ANKRD30B: variants seen among roughly 807,000 people sequenced by gnomAD.
ANKRD30B encodes ankyrin repeat domain-containing protein 30B.
ANKRD30B carries 144 observed loss-of-function variants against 202.2 expected under a neutral mutation model. The observed-to-expected ratio is 0.71, with a 90% confidence interval of 0.62 to 0.82. ANKRD30B has a LOEUF of 0.82. Ranked by LOEUF, ANKRD30B falls within the 40% of genes least tolerant of loss-of-function variation. ANKRD30B has a pLI of 0.00. For synonymous variants in ANKRD30B, 508 were observed against 561.3 expected (o/e 0.91, Z 1.34); for missense variants, 1,487 against 1,669.1 (o/e 0.89, Z 1.90).
chr18:14,809,043 A>G (rs1969742713), intron 26 of ANKRD30B, among the ~76,000 whole-genome samples: 2 of 148,438 alleles, frequency 1.3e-5, no homozygotes, highest in South Asian at 4.4e-4. Context: ...GACACAGACA[A>G]GATAGTGAAA....
the ANKRD30B span, among the ~76,000 whole-genome samples, chr18:14,880,055 G>A: frequency 6.6e-6 from 1 of 152,026 alleles, no homozygotes; most frequent in East Asian, 1.9e-4. Context: ...GTAGATTTTT[G>A]TATAAGGTGA....
In ANKRD30B at chr18:14,799,149, T is replaced by C; in HGVS notation, c.2058+20T>C. 1 of 1,588,518 alleles carries C rather than the reference T, an allele frequency of 6.3e-7. No homozygotes were observed. The highest frequency in any genetic ancestry group is 2.2e-5 in the East Asian group (1 of 44,556). ...CTGAAGGTAATAACTTTTATATTTT[T>C]ATCTTGAATATTACCTACATATTTT... On this transcript the variant is annotated intron_variant, in intron 21 of 43. Coordinates refer to ENST00000690538, the MANE Select transcript of ANKRD30B (RefSeq NM_001367607.2).
chr18:14,930,030 G>A, the ANKRD30B span, among the ~76,000 whole-genome samples: 2 of 152,312 alleles, frequency 1.3e-5, no homozygotes, highest in East Asian at 1.9e-4. Flanking sequence ...TAGATGGGAA[G>A]GGGTCATGTG....
the ANKRD30B span, among the ~76,000 whole-genome samples, chr18:14,914,860 G>T: frequency 6.6e-6 from 1 of 152,168 alleles, no homozygotes; most frequent in Admixed American, 6.5e-5. Context: ...GGACATAGGG[G>T]TCTGAAGCTC....
chr18:14,906,804 T>C, the ANKRD30B span, among the ~76,000 whole-genome samples: 2 of 151,520 alleles, frequency 1.3e-5, no homozygotes, highest in African/African-American at 2.4e-5. Flanking sequence ...CTCAAGGTGG[T>C]TGGGGTGTGG....
chr18:14,831,285 T>G (rs1296019487), intron 33 of ANKRD30B, 98 bp from the exon 34 acceptor site: 3 of 776,188 alleles, frequency 3.9e-6, no homozygotes, highest in Non-Finnish European at 4.2e-6. Flanking sequence ...TTTTGTTTTT[T>G]GTTCTCATTT....
At chr18:14,770,344 A>C (rs1287632091) in intron 8 of ANKRD30B, among the ~76,000 whole-genome samples, 2 of 152,190 alleles carry the variant, frequency 1.3e-5, no homozygotes, top group Admixed American at 1.3e-4. Flanking sequence ...ATGGTTGTTC[A>C]GATGGAGAGT....
In ANKRD30B at chr18:14,837,684, G is replaced by A; in HGVS notation, c.2988+8G>A. Reference sequence around the variant, plus strand: ...TCAACTTCAGATTCTGAGGTACTGTGTATTGTTGTTGTTGTTATTTTAAAA... The same window carrying A: ...TCAACTTCAGATTCTGAGGTACTGTATATTGTTGTTGTTGTTATTTTAAAA... On this transcript the variant is annotated splice_region_variant and intron_variant, in intron 36 of 43. Transcript: ENST00000690538. The A allele has an allele frequency of 6.5e-7, 1 of 1,531,830 alleles. No individual in the cohort carries two copies. Among genetic ancestry groups the A allele is most frequent in the Non-Finnish European group, 8.7e-7 (1 of 1,143,636 alleles). The allele number at this position is 1,531,830 out of a possible 1,614,324, so 94.9% of individuals were successfully genotyped here. A position where few individuals can be genotyped will look rare whatever the true frequency, so the allele number is the denominator to read the frequency against.
chr18:14,796,241 C>T lies in ANKRD30B; in HGVS notation c.1846C>T (p.Leu616Phe). The T allele has an allele frequency of 1.2e-6, 2 of 1,603,270 alleles. No individual in the cohort carries two copies. Among genetic ancestry groups the T allele is most frequent in the Non-Finnish European group, 1.7e-6 (2 of 1,170,676 alleles). ...KLEESPVKDG[L>F]LKPTCGRKVS... ...TTTAGAGTCTCCTGTTAAAGATGGTCTTCTGAAGGTAATAACTTTTATATT... is the reference window on the plus strand; with the variant it reads ...TTTAGAGTCTCCTGTTAAAGATGGTTTTCTGAAGGTAATAACTTTTATATT... The change falls in exon 17 of 44, where the codon CTT (leucine) becomes TTT (phenylalanine). Residue 616 changes from leucine (L) to phenylalanine (F), a missense_variant. Transcript: ENST00000690538.
rs1328966986 is a variant in ANKRD30B, at chr18:14,851,949, T to G, written c.4005T>G (p.Asn1335Lys). 1.2e-6 allele frequency: 2 copies of G among 1,603,808 alleles called. No homozygotes were observed. Among genetic ancestry groups the G allele is most frequent in the East Asian group, 4.5e-5 (2 of 44,420 alleles). ...ATGCTCCTTTGCAAGGAATAATGAA[T>G]GTTGATGTGAGTAATACAATATATA... ...AGDAPLQGIM[N>K]VDVSNTIYNN... Residue 1335 changes from asparagine to lysine, a missense_variant, in exon 42 of 44, where the codon AAT becomes AAG. This residue lies in a region of ANKRD30B where 182 missense variants were observed against 216.0 expected (regional missense o/e 0.84). Transcript: ENST00000690538.
chr18:14,775,504 G>C (rs867036405), intron 9 of ANKRD30B, among the ~76,000 whole-genome samples: 9 of 152,288 alleles, frequency 5.9e-5, no homozygotes, highest in Middle Eastern at 3.4e-3. Flanking sequence ...ATCAGTATTG[G>C]TATATTTTGA....
rs756246300 is a variant in ANKRD30B at position 14,803,749 on chromosome 18, C to G, written c.2209C>G (p.Leu737Val). Residue 737 changes from leucine to valine, a missense_variant, in exon 24 of 44, where the codon CTC (leucine) becomes GTC (valine). By Grantham distance (32) the Leu-to-Val change is conservative (BLOSUM62 1). Coordinates refer to ENST00000690538, the MANE Select transcript of ANKRD30B (RefSeq NM_001367607.2). ...CTTTTAACAGAGTTTCCTTGAGACTCTCTTACAGAATGATGTGTGTTTACC... is the reference window on the plus strand; with the variant it reads ...CTTTTAACAGAGTTTCCTTGAGACTGTCTTACAGAATGATGTGTGTTTACC... The part of the protein sequence containing the change: ...SWDFESFLET[L>V]LQNDVCLPKA... The G allele has an allele frequency of 1.0e-5, 16 of 1,604,046 alleles. No individual in the cohort carries two copies. The highest frequency in any genetic ancestry group is 1.4e-5 in the African/African-American group (1 of 73,514).
At position 14,770,856 on chromosome 18, in the gene ANKRD30B, C is replaced by T. The variant is rs528661961; in HGVS notation, c.1257-1300C>T. Among the ~76,000 whole-genome samples, 4 of 151,998 alleles carry T rather than the reference C, an allele frequency of 2.6e-5. No individual in the cohort carries two copies. In the South Asian group the frequency reaches 6.3e-4, roughly 24 times the overall value. On this transcript the variant is annotated intron_variant, in intron 8 of 43. Transcript: ENST00000690538. ...GCCACTGGGAAAGGTCTCTACAATC[C>T]GATAGAAATGTCCTATTCTGTTCTT... is the stretch of plus-strand genomic sequence containing the variant.
At chr18:14,860,084 C>T in the ANKRD30B span, among the ~76,000 whole-genome samples, 25 of 135,088 alleles carry the variant, frequency 1.9e-4, no homozygotes, top group African/African-American at 5.1e-4. Context: ...AGACAATGGG[C>T]GGCCAGGCAG....
chr18:14,815,372 A>G (rs909793520), intron 30 of ANKRD30B, among the ~76,000 whole-genome samples: 1 of 151,418 alleles, frequency 6.6e-6, no homozygotes, highest in African/African-American at 2.4e-5. Context: ...CTTGTTAACA[A>G]TTCACACTGT....
At chr18:14,797,122 G>T (rs1392234402) in intron 18 of ANKRD30B, among the ~76,000 whole-genome samples, 3 of 152,080 alleles carry the variant, frequency 2.0e-5, no homozygotes, top group Non-Finnish European at 4.4e-5. Context: ...TTCTCAGAAG[G>T]GAGTATGCCT....
At chr18:14,782,434 C>G in intron 11 of ANKRD30B, 93 bp from the exon 12 acceptor site, 1 of 985,940 alleles carries the variant, frequency 1.0e-6, no homozygotes, top group Non-Finnish European at 1.5e-6. Flanking sequence ...CCTTTGAAGT[C>G]AGAAATTGAG....
the ANKRD30B span, among the ~76,000 whole-genome samples, chr18:14,904,546 C>T: frequency 6.6e-6 from 1 of 152,164 alleles, no homozygotes; most frequent in Non-Finnish European, 1.5e-5. Context: ...TATTCCTCAA[C>T]TCCCCATTTG....
At chr18:14,826,687 T>TCACA (rs1257606851) in intron 32 of ANKRD30B, among the ~76,000 whole-genome samples, 4 of 22,710 alleles carry the variant, frequency 1.8e-4, no homozygotes, top group Admixed American at 8.8e-4. Flanking sequence ...CCTCTCTCTC[T>TCACA]CTCTCTCACA....
Sources: gnomAD v4.1 joint callset for allele counts (sites outside exome capture counted in the v4.1 genomes callset) on GRCh38, gnomAD v4.1.1 for gene constraint, gnomAD v4.1.1 regional missense constraint, MANE v1.5 for transcripts, NCBI Gene and HGNC (gene_info 2026-07-23, HGNC 2026-07-21) for gene names.